ACACA: variants seen among roughly 807,000 people sequenced by gnomAD.
ACACA encodes acetyl-CoA carboxylase 1.
ACACA carries 103 observed loss-of-function variants against 296.1 expected under a neutral mutation model. The observed-to-expected ratio is 0.35, with a 90% CI of 0.30 to 0.41. The LOEUF (loss-of-function observed/expected upper bound fraction) is 0.41. Among genes scored for constraint, ACACA ranks in the 10% least tolerant of loss-of-function variants. The pLI is 1.00. For missense variants in ACACA, 1,554 were observed against 2,989.7 expected, an observed-to-expected ratio of 0.52 and a Z score of 11.20; for synonymous variants, 953 against 1,038.6, an observed-to-expected ratio of 0.92 and a Z score of 1.58.
intron 1 of ACACA, among the ~76,000 whole-genome samples, chr17:37,347,551 C>T (rs544084872): frequency 1.3e-5 from 2 of 152,166 alleles, no homozygotes; most frequent in African/African-American, 4.8e-5. Context: ...GCCTCAACTT[C>T]CCAAAATGTT....
chr17:37,176,165 G>A (rs2077107672), intron 41 of ACACA, among the ~76,000 whole-genome samples: 1 of 152,120 alleles, frequency 6.6e-6, no homozygotes, highest in African/African-American at 2.4e-5. Flanking sequence ...CTTCGATCAT[G>A]GAGAAAAGCA....
intron 1 of ACACA, among the ~76,000 whole-genome samples, chr17:37,355,385 G>A (rs1055777260): frequency 4.7e-5 from 7 of 150,440 alleles, no homozygotes; most frequent in African/African-American, 1.5e-4. Flanking sequence ...GTGAATCCCC[G>A]TCTCTACTAA....
chr17:37,221,376 A>T, intron 29 of ACACA: 1 of 338,124 alleles, frequency 3.0e-6, no homozygotes, highest in Non-Finnish European at 5.6e-6. Context: ...TTTTGGTCTA[A>T]TTGCTGATTT....
chr17:37,119,271 C>G (rs2074403830), intron 50 of ACACA, among the ~76,000 whole-genome samples: 1 of 151,904 alleles, frequency 6.6e-6, no homozygotes, highest in Non-Finnish European at 1.5e-5. Context: ...TCATTTTGCT[C>G]AAGACATTTT....
At chr17:37,381,123 C>T (rs1364024174) in intron 1 of ACACA, among the ~76,000 whole-genome samples, 1 of 151,944 alleles carries the variant, frequency 6.6e-6, no homozygotes, top group Non-Finnish European at 1.5e-5. Flanking sequence ...ATACCATATA[C>T]ACTGTTCTGC....
Position 37,179,269 on chromosome 17 carries a change from T to C in ACACA, c.5070A>G (p.Gly1690=). 1.2e-6 allele frequency: 2 copies of C among 1,614,132 alleles called. No individual in the cohort carries two copies. Among genetic ancestry groups the C allele is most frequent in the Middle Eastern group, 3.3e-4 (2 of 6,056 alleles). ...GGTTTCAACTACTTGCCTCATTTCC[T>C]CCTGGAAGCCTGTTCATGTGGACCA... ...GQLVHMNRLP[G]GNEIGMVAWK... Residue 1690 remains glycine (G), a synonymous_variant, in exon 41 of 56, where the codon GGA becomes GGG. Coordinates refer to ENST00000616317, the MANE Select transcript of ACACA (RefSeq NM_198834.3).
Position 37,174,001 on chromosome 17 carries a change from TATATATATATATATATA to T in ACACA, c.5079+5242_5079+5258del, listed in dbSNP as rs1392962501. ...GCTAATTTATATATATATATATATA[TATATATATATATATATA>T]TATTTTTTTTTTTTTTTTTTTTTGT... On this transcript the variant is annotated intron_variant, in intron 41 of 55. Coordinates refer to ENST00000616317, the MANE Select transcript of ACACA (RefSeq NM_198834.3). Among the ~76,000 whole-genome samples, 18 of 12,012 alleles carry T rather than the reference TATATATATATATATATA, an allele frequency of 1.5e-3. 3 individuals are homozygous for T. Among genetic ancestry groups the T allele is most frequent in the African/African-American group, 5.4e-3 (12 of 2,228 alleles). The allele number at this position is 12,012 out of a possible 152,430, so 7.9% of individuals were successfully genotyped here. A position where few individuals can be genotyped will look rare whatever the true frequency, so the allele number is the denominator to read the frequency against.
intron 5 of ACACA, among the ~76,000 whole-genome samples, chr17:37,280,657 G>A (rs958821277): frequency 6.6e-6 from 1 of 151,464 alleles, no homozygotes; most frequent in Non-Finnish European, 1.5e-5. Flanking sequence ...TTCGCCATAA[G>A]TTGATAATTA....
intron 43 of ACACA, 89 bp downstream of exon 43, chr17:37,155,594 G>C: frequency 1.1e-6 from 1 of 888,332 alleles, no homozygotes; most frequent in Admixed American, 1.7e-5. Context: ...TGTTCTTCAA[G>C]GTTATGAACA....
At chr17:37,243,829 A>G (rs1397142498) in intron 21 of ACACA, among the ~76,000 whole-genome samples, 1 of 152,180 alleles carries the variant, frequency 6.6e-6, no homozygotes, top group Non-Finnish European at 1.5e-5. Context: ...ATTGTTCAAG[A>G]GTCAACTATA....
chr17:37,319,053 T>C (rs1390458461), intron 3 of ACACA, among the ~76,000 whole-genome samples: 2 of 152,222 alleles, frequency 1.3e-5, no homozygotes, highest in Non-Finnish European at 2.9e-5. Context: ...TCTGTTTCTC[T>C]ATATGCTACC....
chr17:37,210,498 T>G lies in ACACA; in HGVS notation c.3684-8A>C, dbSNP rs1774355841. The G allele has an allele frequency of 1.2e-6, 2 of 1,611,726 alleles. No individual in the cohort carries two copies. Among genetic ancestry groups the G allele is most frequent in the Non-Finnish European group, 1.7e-6 (2 of 1,178,032 alleles). ...AGCGTAGGGATGTTCCCTCTGTAAT[T>G]AAACAACCACAGTTAGTTACTGATA... On this transcript the variant is annotated splice_polypyrimidine_tract_variant and splice_region_variant and intron_variant, in intron 29 of 55. Coordinates refer to ENST00000616317, the MANE Select transcript of ACACA (RefSeq NM_198834.3).
rs975873596 is a variant in ACACA, at chr17:37,096,865, A to G, written c.6891+131T>C. 17 of 1,099,976 alleles carry G rather than the reference A, an allele frequency of 1.5e-5. No individual in the cohort carries two copies. The African/African-American group carries it at 2.5e-4, about 16-fold the overall frequency. The allele number at this position is 1,099,976 out of a possible 1,614,324, so 68.1% of individuals were successfully genotyped here. A position where few individuals can be genotyped will look rare whatever the true frequency, so the allele number is the denominator to read the frequency against. ...AGGGGGAGTAGCTGGGGGAGGAAAC[A>G]GCTTGGATCTCTATGTTTCCCTTCT... is the stretch of plus-strand genomic sequence containing the variant. On this transcript the variant is annotated intron_variant, in intron 54 of 55. Coordinates refer to ENST00000616317, the MANE Select transcript of ACACA (RefSeq NM_198834.3).
chr17:37,122,846 G>A (rs750628597), intron 48 of ACACA: 44 of 627,676 alleles, frequency 7.0e-5, no homozygotes, highest in Non-Finnish European at 1.2e-4. Context: ...ACTTCTATTC[G>A]GAAATGTCCC....
In ACACA at chr17:37,125,720, T is replaced by C. The variant is rs777222860; in HGVS notation, c.6019A>G (p.Thr2007Ala). The C allele has an allele frequency of 5.0e-6, 8 of 1,613,946 alleles. No homozygotes were observed. Among genetic ancestry groups the C allele is most frequent in the Non-Finnish European group, 6.8e-6 (8 of 1,179,980 alleles). Reference protein sequence around the residue: ...FSEIMQPWAQTVVVGRARLGG... With the variant: ...FSEIMQPWAQAVVVGRARLGG... ...TACCTGGCTCTACCAACCACCACAG[T>C]CTGTGCCCAGGGCTGCATAATCTCT... Residue 2007 changes from threonine (T) to alanine (A), a missense_variant, in exon 48 of 56, where the codon ACT becomes GCT. Transcript: ENST00000616317.
At chr17:37,250,841 C>T (rs2080954815) in intron 16 of ACACA, among the ~76,000 whole-genome samples, 2 of 151,528 alleles carry the variant, frequency 1.3e-5, no homozygotes, top group Non-Finnish European at 1.5e-5. Context: ...CTGGCTAACA[C>T]GGTGAAACCC....
intron 35 of ACACA, among the ~76,000 whole-genome samples, chr17:37,194,261 A>C (rs2077890514): frequency 1.3e-5 from 2 of 152,264 alleles, no homozygotes; most frequent in South Asian, 4.2e-4. Flanking sequence ...ATAATCAAAC[A>C]CTTATCAGTA....
At chr17:37,180,647 G>T (rs924117337) in intron 40 of ACACA, among the ~76,000 whole-genome samples, 3 of 152,062 alleles carry the variant, frequency 2.0e-5, no homozygotes, top group Non-Finnish European at 4.4e-5. Context: ...TCATATAGAG[G>T]CTGAGATTCA....
At chr17:37,123,612 T>C (rs1359598021) in intron 48 of ACACA, among the ~76,000 whole-genome samples, 2 of 152,178 alleles carry the variant, frequency 1.3e-5, no homozygotes, top group Non-Finnish European at 2.9e-5. Flanking sequence ...GTTGTTAAAT[T>C]GGCTAGTGAA....
Sources: gnomAD v4.1 joint callset for allele counts (sites outside exome capture counted in the v4.1 genomes callset) on GRCh38, gnomAD v4.1.1 for gene constraint, MANE v1.5 for transcripts, NCBI Gene and HGNC (gene_info 2026-07-23, HGNC 2026-07-21) for gene names.